Variants in MSH4 observed in about 807,000 individuals in gnomAD.
The protein encoded by MSH4 is mutS homolog 4, also known as mutS protein homolog 4.
In MSH4, 106 loss-of-function variants were observed where a neutral mutation model predicts 113.7. The ratio of observed to expected loss-of-function variants is 0.93; its 90% CI spans 0.80 to 1.10. The LOEUF (loss-of-function observed/expected upper bound fraction) is 1.10. Among genes scored for constraint, MSH4 ranks in the 50% least tolerant of loss-of-function variants. The pLI is 0.00. For synonymous variants in MSH4, 368 were observed against 380.2 expected (o/e 0.97, Z 0.37); for missense variants, 1,061 against 1,093.7 (o/e 0.97, Z 0.42).
intron 6 of MSH4, among the ~76,000 whole-genome samples, chr1:75,817,245 A>G (rs925968445): frequency 6.6e-6 from 1 of 152,234 alleles, no homozygotes; most frequent in Non-Finnish European, 1.5e-5. Flanking sequence ...ACATTTTCAC[A>G]AAGAAGGTAA....
intron 19 of MSH4, among the ~76,000 whole-genome samples, chr1:75,908,023 C>G (rs1652706621): frequency 6.7e-6 from 1 of 150,010 alleles, no homozygotes; most frequent in Non-Finnish European, 1.5e-5. Flanking sequence ...CTCACTGATT[C>G]TTTCTTCTGC....
At chr1:75,803,495 T>C (rs1204746387) in intron 1 of MSH4, among the ~76,000 whole-genome samples, 1 of 151,984 alleles carries the variant, frequency 6.6e-6, no homozygotes, top group Non-Finnish European at 1.5e-5. Context: ...CGGGTGCCTG[T>C]AATCCCAGCT....
intron 9 of MSH4, among the ~76,000 whole-genome samples, chr1:75,873,949 G>A (rs947046199): frequency 6.6e-6 from 1 of 152,194 alleles, no homozygotes; most frequent in African/African-American, 2.4e-5. Context: ...CAATGGGATT[G>A]TTGGGTCGAA....
intron 15 of MSH4, 149 bp downstream of exon 15, chr1:75,883,970 G>A: frequency 1.7e-6 from 1 of 599,520 alleles, no homozygotes; most frequent in South Asian, 2.6e-5. Flanking sequence ...TGTCTGTTGT[G>A]TAAACTATAA....
At chr1:75,845,475 G>T (rs1231366633) in intron 7 of MSH4, among the ~76,000 whole-genome samples, 2 of 152,142 alleles carry the variant, frequency 1.3e-5, no homozygotes, top group Non-Finnish European at 2.9e-5. Flanking sequence ...GGAGTAACAG[G>T]CCCAAGGAAA....
At chr1:75,855,745 A>G (rs1651302218) in intron 8 of MSH4, among the ~76,000 whole-genome samples, 1 of 152,226 alleles carries the variant, frequency 6.6e-6, no homozygotes, top group Non-Finnish European at 1.5e-5. Context: ...ACATCATTGT[A>G]ACAATTACTA....
chr1:75,812,489 C>T (rs1367625772), intron 4 of MSH4, among the ~76,000 whole-genome samples: 5 of 152,118 alleles, frequency 3.3e-5, no homozygotes, highest in African/African-American at 7.2e-5. Flanking sequence ...GTCAGGAGAT[C>T]GAGACCATCC....
chr1:75,806,924 A>T (rs1180230587), intron 2 of MSH4, 57 bp from the exon 3 acceptor site: 1 of 1,440,412 alleles, frequency 6.9e-7, no homozygotes, highest in Non-Finnish European at 9.2e-7. Flanking sequence ...GTTTTTTTTA[A>T]AAAAAGAAAT....
intron 19 of MSH4, among the ~76,000 whole-genome samples, chr1:75,905,724 T>C (rs533134012): frequency 5.6e-4 from 86 of 152,292 alleles, no homozygotes; most frequent in African/African-American, 2.0e-3. Context: ...CATATTTGGA[T>C]GGTCCACTGT....
chr1:75,872,727 T>G (rs1432947664), intron 9 of MSH4, among the ~76,000 whole-genome samples: 1 of 152,164 alleles, frequency 6.6e-6, no homozygotes, highest in Non-Finnish European at 1.5e-5. Context: ...TGAAGGGAAC[T>G]GTCAATATTC....
At chr1:75,877,120 T>A (rs1410475372) in intron 10 of MSH4, 120 bp downstream of exon 10, 1 of 507,214 alleles carries the variant, frequency 2.0e-6, no homozygotes, top group Non-Finnish European at 3.3e-6. Flanking sequence ...GTTAACAGAA[T>A]CTTTAACCTA....
intron 3 of MSH4, among the ~76,000 whole-genome samples, chr1:75,810,225 G>C (rs1281833741): frequency 1.8e-5 from 1 of 55,554 alleles, no homozygotes; most frequent in Non-Finnish European, 5.3e-5. Context: ...TATTGGTGGT[G>C]GTGGTGTTTG....
intron 19 of MSH4, among the ~76,000 whole-genome samples, chr1:75,907,660 A>ATCTC (rs138292747): frequency 0.29 from 26,361 of 90,826 alleles, 5,055 homozygotes; most frequent in Middle Eastern, 0.37. Flanking sequence ...TCCACGGTGT[A>ATCTC]TCTCTCTCTC....
At chr1:75,875,210 A>G (rs938937218) in intron 9 of MSH4, among the ~76,000 whole-genome samples, 2 of 152,190 alleles carry the variant, frequency 1.3e-5, no homozygotes, top group African/African-American at 4.8e-5. Flanking sequence ...CATTTTTAAC[A>G]TCAATAATGA....
At chr1:75,863,788 T>C (rs1651509536) in intron 8 of MSH4, among the ~76,000 whole-genome samples, 1 of 152,210 alleles carries the variant, frequency 6.6e-6, no homozygotes, top group African/African-American at 2.4e-5. Flanking sequence ...TTTTGCCTTC[T>C]GTAAGAGTAT....
chr1:75,885,444 C>CATAT (rs60096542), intron 15 of MSH4, among the ~76,000 whole-genome samples: 2 of 109,976 alleles, frequency 1.8e-5, no homozygotes, highest in African/African-American at 7.1e-5. Flanking sequence ...TGTGTATATA[C>CATAT]ATATATATAT....
At chr1:75,817,256 A>G (rs1650312741) in intron 6 of MSH4, among the ~76,000 whole-genome samples, 1 of 152,220 alleles carries the variant, frequency 6.6e-6, no homozygotes, top group Admixed American at 6.5e-5. Flanking sequence ...AAGAAGGTAA[A>G]CAAATGGCCA....
chr1:75,819,266 G>C (rs1392254706), intron 6 of MSH4, among the ~76,000 whole-genome samples: 1 of 152,156 alleles, frequency 6.6e-6, no homozygotes, highest in Non-Finnish European at 1.5e-5. Context: ...GCCAACGTGG[G>C]TGGATCACTT....
chr1:75,838,651 GATAC>G (rs1298167543), intron 7 of MSH4, among the ~76,000 whole-genome samples: 1 of 151,956 alleles, frequency 6.6e-6, no homozygotes, highest in East Asian at 1.9e-4. Context: ...AGCATCTCTT[GATAC>G]TCTTCACTCT....
Sources: gnomAD v4.1 joint callset for allele counts (sites outside exome capture counted in the v4.1 genomes callset) on GRCh38, gnomAD v4.1.1 for gene constraint, MANE v1.5 for transcripts, NCBI Gene and HGNC (gene_info 2026-07-23, HGNC 2026-07-21) for gene names.